JPH3: variants seen among roughly 807,000 people sequenced by gnomAD.
The protein encoded by JPH3 is junctophilin-3.
A neutral mutation model predicts 59.6 loss-of-function variants in JPH3; 11 were observed. That is an observed-to-expected ratio of 0.18 (90% confidence interval 0.12 to 0.31). JPH3 has a LOEUF of 0.31. JPH3 is among the 10% of genes least tolerant of loss of function. The probability of loss-of-function intolerance (pLI) is 1.00; values close to 1 mark genes in which losing one functional copy is unlikely to be tolerated. For missense variants in JPH3, 1,202 were observed against 1,105.7 expected, an observed-to-expected ratio of 1.09 and a Z score of -1.24; for synonymous variants, 673 against 483.6, an observed-to-expected ratio of 1.39 and a Z score of -5.14.
At position 87,690,509 on chromosome 16, in the gene JPH3, G is replaced by A. The variant is rs200271723; in HGVS notation, c.2149G>A (p.Glu717Lys). ...ALESDEENGD[E>K]LKSSTGSAPI... ...AGAGTCCGACGAGGAGAATGGGGAT[G>A]AGCTCAAGTCCAGTACGGTGAGTGG... is the stretch of plus-strand genomic sequence containing the variant. The change falls in exon 4 of 5, where the codon GAG becomes AAG. Residue 717 changes from glutamate to lysine, a missense_variant. Transcript: ENST00000284262. 7 of 1,481,714 alleles carry A rather than the reference G, an allele frequency of 4.7e-6. No homozygotes were observed. In the African/African-American group the frequency reaches 8.5e-5, roughly 18 times the overall value. 91.8% of individuals were successfully genotyped at this position (1,481,714 alleles called of 1,614,324 possible).
intron 2 of JPH3, among the ~76,000 whole-genome samples, chr16:87,662,612 T>G (rs983344261): frequency 6.6e-6 from 1 of 152,186 alleles, no homozygotes; most frequent in Non-Finnish European, 1.5e-5. Context: ...GGCCCCCTGG[T>G]GGCCCCTCCA....
intron 4 of JPH3, among the ~76,000 whole-genome samples, chr16:87,692,689 C>G (rs1372905193): frequency 1.3e-5 from 2 of 152,212 alleles, no homozygotes; most frequent in African/African-American, 4.8e-5. Context: ...CAGGTTCTCC[C>G]TACCGCTCTA....
chr16:87,659,603 G>A (rs531873667), intron 2 of JPH3, among the ~76,000 whole-genome samples: 17 of 151,874 alleles, frequency 1.1e-4, no homozygotes, highest in Non-Finnish European at 2.2e-4. Context: ...TGTGGTGACA[G>A]GTGCCTGTAA....
At chr16:87,663,244 G>C (rs1342207763) in intron 2 of JPH3, among the ~76,000 whole-genome samples, 1 of 151,980 alleles carries the variant, frequency 6.6e-6, no homozygotes, top group African/African-American at 2.4e-5. Flanking sequence ...AAGTAGTTGG[G>C]ACTACAGGCC....
chr16:87,695,576 T>C (rs1449966662), intron 4 of JPH3: 2 of 455,538 alleles, frequency 4.4e-6, no homozygotes, highest in Non-Finnish European at 8.8e-6. Flanking sequence ...GGAAGCAGAC[T>C]GTGGGCAAGA....
In JPH3 at chr16:87,614,222, G is replaced by C. The variant is rs184958674; in HGVS notation, c.382+10694G>C. On this transcript the variant is annotated intron_variant, in intron 1 of 4. Transcript: ENST00000284262. ...CCGCGTGTCCCCTCCCAGGATAAAG[G>C]CAGGTCCCTGCACACAGGAGCTACA... 1.2e-3 allele frequency among the ~76,000 whole-genome samples: 182 copies of C among 152,062 alleles called. 3 individuals carry two copies. The highest frequency in any genetic ancestry group is 9.7e-3 in the Admixed American group (148 of 15,226).
chr16:87,604,329 G>GCTGC (rs1555532858), intron 1 of JPH3: 3 of 1,467,928 alleles, frequency 2.0e-6, no homozygotes, highest in East Asian at 6.4e-5. Flanking sequence ...TGCTGCTGCT[G>GCTGC]TAAGATGGTT....
At chr16:87,655,313 C>T (rs1384318056) in intron 2 of JPH3, among the ~76,000 whole-genome samples, 1 of 152,096 alleles carries the variant, frequency 6.6e-6, no homozygotes, top group East Asian at 1.9e-4. Flanking sequence ...GAGCCTCTGT[C>T]TCCCTGGTTA....
At chr16:87,678,748 G>A (rs529530203) in intron 2 of JPH3, among the ~76,000 whole-genome samples, 2 of 152,326 alleles carry the variant, frequency 1.3e-5, no homozygotes, top group South Asian at 2.1e-4. Flanking sequence ...CCAATCCAAC[G>A]AAGAGTGCCC....
Position 87,690,680 on chromosome 16 carries a change from C to G in JPH3, c.2166+154C>G, listed in dbSNP as rs115204955. Among the ~76,000 whole-genome samples the G allele has an allele frequency of 7.4e-3, 1,125 of 152,308 alleles. 8 individuals are homozygous for G. The highest frequency in any genetic ancestry group is 0.015 in the Admixed American group (223 of 15,298). ...GGGTACAGCCGGGAGTGGTGGCCCT[C>G]AGGTCGCTGGGACCCTCCCCTAGGA... On this transcript the variant is annotated intron_variant, in intron 4 of 4. Transcript: ENST00000284262.
chr16:87,651,277 G>C (rs2032317921), intron 2 of JPH3, among the ~76,000 whole-genome samples: 1 of 152,238 alleles, frequency 6.6e-6, no homozygotes, highest in East Asian at 1.9e-4. Context: ...CGCCCATGGA[G>C]ATGTACAGGA....
At chr16:87,665,537 G>A (rs898618901) in intron 2 of JPH3, among the ~76,000 whole-genome samples, 1 of 152,226 alleles carries the variant, frequency 6.6e-6, no homozygotes, top group Admixed American at 6.5e-5. Context: ...CCAACATTGT[G>A]GGGTGAGCCC....
intron 2 of JPH3, among the ~76,000 whole-genome samples, chr16:87,660,272 C>T (rs548868396): frequency 2.6e-5 from 4 of 152,272 alleles, no homozygotes; most frequent in East Asian, 1.9e-4. Context: ...GAGAGTTGAG[C>T]TTTTCCCCAG....
intron 4 of JPH3, chr16:87,695,011 G>A: frequency 3.2e-6 from 1 of 317,292 alleles, no homozygotes; most frequent in Non-Finnish European, 6.2e-6. Flanking sequence ...TGCCGGGAGT[G>A]TGTGCACACA....
chr16:87,677,271 C>G (rs1401116960), intron 2 of JPH3, among the ~76,000 whole-genome samples: 1 of 148,988 alleles, frequency 6.7e-6, no homozygotes, highest in East Asian at 2.0e-4. Context: ...TAATCCCAGC[C>G]ACGTGGGAGG....
At chr16:87,656,900 C>A (rs1008609930) in intron 2 of JPH3, among the ~76,000 whole-genome samples, 1 of 152,172 alleles carries the variant, frequency 6.6e-6, no homozygotes, top group Non-Finnish European at 1.5e-5. Flanking sequence ...TCCTCGGGCT[C>A]CTTCTCGCTC....
chr16:87,662,919 TC>T (rs2032751165), intron 2 of JPH3, among the ~76,000 whole-genome samples: 1 of 152,172 alleles, frequency 6.6e-6, no homozygotes, highest in Non-Finnish European at 1.5e-5. Context: ...TTCACGGACT[TC>T]CAGCACCCCT....
At chr16:87,656,188 G>T (rs543110597) in intron 2 of JPH3, among the ~76,000 whole-genome samples, 1 of 152,226 alleles carries the variant, frequency 6.6e-6, no homozygotes, top group Non-Finnish European at 1.5e-5. Flanking sequence ...ACTCTGTGTT[G>T]CAGGTGCCGT....
In JPH3 at chr16:87,659,374, C is replaced by CAAAAAAA. The variant is rs1354448370; in HGVS notation, c.1160+14345_1160+14351dup. 4.8e-4 allele frequency among the ~76,000 whole-genome samples: 36 copies of CAAAAAAA among 74,522 alleles called. 1 individual carries two copies. The highest frequency in any genetic ancestry group is 1.8e-3 in the East Asian group (5 of 2,766). 48.9% of individuals were successfully genotyped at this position (74,522 alleles called of 152,430 possible). A position where few individuals can be genotyped will look rare whatever the true frequency, so the allele number is the denominator to read the frequency against. ...CCTGGGTGACAGAGTAAGACTGTCT[C>CAAAAAAA]AAAAAAAAAAAAGAAAAAAAAAAAG... On this transcript the variant is annotated intron_variant, in intron 2 of 4. Coordinates refer to ENST00000284262, the MANE Select transcript of JPH3 (RefSeq NM_020655.4).
Sources: gnomAD v4.1 joint callset for allele counts (sites outside exome capture counted in the v4.1 genomes callset) on GRCh38, gnomAD v4.1.1 for gene constraint, MANE v1.5 for transcripts, NCBI Gene and HGNC (gene_info 2026-07-23, HGNC 2026-07-21) for gene names.